QRSL1: variants seen among roughly 807,000 people sequenced by gnomAD.
QRSL1 encodes glutamyl-tRNA(Gln) amidotransferase subunit A, mitochondrial.
QRSL1 carries 54 observed loss-of-function variants against 61.6 expected under a neutral mutation model. The ratio of observed to expected loss-of-function variants is 0.88; its 90% confidence interval spans 0.70 to 1.10. The LOEUF (loss-of-function observed/expected upper bound fraction) is 1.10, where lower values mean the gene tolerates loss of function less well. Among genes scored for constraint, QRSL1 ranks in the 50% least tolerant of loss-of-function variants. The pLI, the probability that QRSL1 is intolerant of heterozygous loss-of-function variation, is 0.00. For synonymous variants in QRSL1, 228 were observed against 225.7 expected (o/e 1.01, Z -0.09); for missense variants, 505 against 622.6 (o/e 0.81, Z 2.01).
chr6:106,642,437 C>T (rs1048003511), intron 3 of QRSL1: 23 of 605,420 alleles, frequency 3.8e-5, no homozygotes, highest in Non-Finnish European at 6.7e-5. Flanking sequence ...GCGGGAACCA[C>T]CATCATCCAG....
chr6:106,663,637 T>G (rs1582423039), intron 10 of QRSL1, among the ~76,000 whole-genome samples: 1 of 152,138 alleles, frequency 6.6e-6, no homozygotes, highest in African/African-American at 2.4e-5. Context: ...GTTAAACCGT[T>G]TATGAGAAAC....
At chr6:106,651,077 C>A (rs1324685111) in intron 5 of QRSL1, among the ~76,000 whole-genome samples, 1 of 152,174 alleles carries the variant, frequency 6.6e-6, no homozygotes, top group African/African-American at 2.4e-5. Context: ...TACCCTTCAA[C>A]CCTCTCCCAG....
At chr6:106,637,163 T>C (rs191743406) in intron 1 of QRSL1, among the ~76,000 whole-genome samples, 1 of 152,314 alleles carries the variant, frequency 6.6e-6, no homozygotes, top group East Asian at 1.9e-4. Flanking sequence ...TAAGGTCCGA[T>C]TTTCTGCTGG....
At chr6:106,631,182 C>T (rs1238997465) in intron 1 of QRSL1, among the ~76,000 whole-genome samples, 2 of 151,996 alleles carry the variant, frequency 1.3e-5, no homozygotes, top group African/African-American at 2.4e-5. Flanking sequence ...GCCAAGATCA[C>T]GCCACTGCAC....
rs138471223 is a variant in QRSL1, at chr6:106,655,664, C to T, written c.1092C>T (p.Thr364=). The T allele has an allele frequency of 4.0e-4, 642 of 1,613,552 alleles. 4 individuals carry two copies. Among genetic ancestry groups the T allele is most frequent in the Middle Eastern group, 1.7e-3 (10 of 5,976 alleles). Residue 364 remains threonine, a synonymous_variant, in exon 9 of 11, where the codon ACC becomes ACT. Coordinates refer to ENST00000369046, the MANE Select transcript of QRSL1 (RefSeq NM_018292.5). ...CCACTGAAGCCATGTATGCTGCAAC[C>T]AGACGAGAAGGGTTTAATGATGTGG... is the stretch of plus-strand genomic sequence containing the variant. ...DVSTEAMYAA[T]RREGFNDVVR... is the part of the protein sequence containing the mutation.
At chr6:106,659,647 A>G (rs185242587) in intron 9 of QRSL1, among the ~76,000 whole-genome samples, 2 of 152,004 alleles carry the variant, frequency 1.3e-5, no homozygotes, top group East Asian at 1.9e-4. Context: ...GACTTTTGTT[A>G]TATTCCTTTA....
chr6:106,660,334 C>T (rs79923394), intron 9 of QRSL1, among the ~76,000 whole-genome samples: 11,716 of 150,906 alleles, frequency 0.078, 587 homozygotes, highest in East Asian at 0.11. Flanking sequence ...CTCCCCACCC[C>T]CCCCGTGAAG....
In QRSL1 at chr6:106,663,101, G is replaced by A. The variant is rs1777382720; in HGVS notation, c.1282G>A (p.Val428Ile). 1 of 1,614,130 alleles carries A rather than the reference G, an allele frequency of 6.2e-7. No individual in the cohort carries two copies. The highest frequency in any genetic ancestry group is 8.5e-7 in the Non-Finnish European group (1 of 1,179,960). ...LLTPTTLSEAVPYLEFIKEDN... is the reference protein window; with the variant it reads ...LLTPTTLSEAIPYLEFIKEDN... ...AACTCCCACCACCTTGAGTGAGGCA[G>A]TACCATACTTGGAGTTCATCAAAGA... Residue 428 changes from valine to isoleucine, a missense_variant, in exon 10 of 11, where the codon GTA becomes ATA. Physicochemically the swap from Val to Ile is conservative, Grantham distance 29 (BLOSUM62 3). Coordinates refer to ENST00000369046, the MANE Select transcript of QRSL1 (RefSeq NM_018292.5).
At chr6:106,639,127 T>TG (rs1562165087) in intron 1 of QRSL1, among the ~76,000 whole-genome samples, 5 of 137,806 alleles carry the variant, frequency 3.6e-5, no homozygotes, top group East Asian at 4.5e-4. Context: ...TTGTTTTTTT[T>TG]TTTTTTTTTT....
At chr6:106,662,660 C>T (rs1777374983) in intron 9 of QRSL1, among the ~76,000 whole-genome samples, 1 of 152,190 alleles carries the variant, frequency 6.6e-6, no homozygotes, top group Non-Finnish European at 1.5e-5. Context: ...AGGCCCCAGG[C>T]TGTTTTGGGG....
rs117074516 is a variant in QRSL1, at chr6:106,660,714, C to T, written c.1161-2266C>T. Reference sequence around the variant, plus strand: ...TATAATGAACGGAGATTTACTGGCTCACAGTTCTGGAGGCTGGGTGGGAGG... The same window carrying T: ...TATAATGAACGGAGATTTACTGGCTTACAGTTCTGGAGGCTGGGTGGGAGG... On this transcript the variant is annotated intron_variant, in intron 9 of 10. Coordinates refer to ENST00000369046, the MANE Select transcript of QRSL1 (RefSeq NM_018292.5). 1.3e-4 allele frequency among the ~76,000 whole-genome samples: 20 copies of T among 151,946 alleles called. No individual in the cohort carries two copies. In the East Asian group the frequency reaches 3.9e-3, roughly 29 times the overall value.
At chr6:106,661,412 C>T (rs146210893) in intron 9 of QRSL1, among the ~76,000 whole-genome samples, 2,359 of 152,136 alleles carry the variant, frequency 0.016, 34 homozygotes, top group Non-Finnish European at 0.02. Context: ...CAGGCCCAGC[C>T]AGTATTTGTT....
At position 106,666,346 on chromosome 6, in the gene QRSL1, A is replaced by G; in HGVS notation, c.*344A>G. On this transcript the variant is annotated 3_prime_UTR_variant, in exon 11 of 11. Coordinates refer to ENST00000369046, the MANE Select transcript of QRSL1 (RefSeq NM_018292.5). The stretch of plus-strand genomic sequence containing the variant: ...TAAATAAATAAAATAAAATAAAATG[A>G]CGTACAGAGATTCTATATTCTAGAG... 4.2e-6 allele frequency: 1 copy of G among 240,844 alleles called. No individual in the cohort carries two copies. The highest frequency in any genetic ancestry group is 8.2e-6 in the Non-Finnish European group (1 of 121,554). The allele number at this position is 240,844 out of a possible 1,614,324, so 14.9% of individuals were successfully genotyped here.
intron 9 of QRSL1, among the ~76,000 whole-genome samples, chr6:106,657,935 C>A (rs999993032): frequency 3.3e-5 from 5 of 152,134 alleles, no homozygotes; most frequent in African/African-American, 1.2e-4. Flanking sequence ...AAACTCCTGA[C>A]CTCGTGATCC....
chr6:106,647,480 A>G (rs1214051907), intron 4 of QRSL1, among the ~76,000 whole-genome samples: 1 of 149,212 alleles, frequency 6.7e-6, no homozygotes, highest in African/African-American at 2.5e-5. Flanking sequence ...GATCACTTGA[A>G]ACCGGGAGGC....
chr6:106,660,331 C>CT (rs571004209), intron 9 of QRSL1, among the ~76,000 whole-genome samples: 87 of 118,796 alleles, frequency 7.3e-4, no homozygotes, highest in Admixed American at 1.3e-3. Flanking sequence ...ACACTCCCCA[C>CT]CCCCCCCGTG....
At chr6:106,630,978 G>A (rs557198151) in intron 1 of QRSL1, among the ~76,000 whole-genome samples, 1 of 152,294 alleles carries the variant, frequency 6.6e-6, no homozygotes, top group Non-Finnish European at 1.5e-5. Flanking sequence ...TGTAATCCCA[G>A]CACTTTGGGA....
chr6:106,660,661 A>G (rs748180826), intron 9 of QRSL1, among the ~76,000 whole-genome samples: 1 of 151,208 alleles, frequency 6.6e-6, no homozygotes, highest in Non-Finnish European at 1.5e-5. Flanking sequence ...TTTTGCTGCT[A>G]TAACAGAATG....
chr6:106,658,861 C>G (rs548898708), intron 9 of QRSL1, among the ~76,000 whole-genome samples: 32 of 152,140 alleles, frequency 2.1e-4, no homozygotes, highest in African/African-American at 5.5e-4. Flanking sequence ...CTATTATTTC[C>G]TCAAATATTT....
Sources: allele counts gnomAD v4.1 joint callset (sites outside exome capture counted in the v4.1 genomes callset), GRCh38; gene constraint gnomAD v4.1.1; transcripts MANE v1.5; gene names NCBI Gene and HGNC (gene_info 2026-07-23, HGNC 2026-07-21).